Variants in ANO4 observed in about 807,000 individuals in gnomAD.
ANO4 encodes anoctamin 4, also known as anoctamin-4.
Under a neutral mutation model 141.9 loss-of-function variants are expected in ANO4, and 69 were observed. The observed-to-expected ratio is 0.49, with a 90% CI of 0.40 to 0.59. ANO4 has a LOEUF of 0.59. Ranked by LOEUF, ANO4 falls within the 20% of genes least tolerant of loss-of-function variation. The pLI is 0.00. For synonymous variants in ANO4, 350 were observed against 394.3 expected (o/e 0.89, Z 1.33); for missense variants, 894 against 1,162.2 (o/e 0.77, Z 3.36).
intron 8 of ANO4, among the ~76,000 whole-genome samples, chr12:101,011,531 C>G (rs886640797): frequency 4.6e-5 from 7 of 152,066 alleles, no homozygotes; most frequent in Non-Finnish European, 1.0e-4. Flanking sequence ...GGTGTACACT[C>G]TTTGTGAGCC....
intron 9 of ANO4, among the ~76,000 whole-genome samples, chr12:101,020,857 A>C (rs1205711195): frequency 6.6e-6 from 1 of 152,152 alleles, no homozygotes; most frequent in Non-Finnish European, 1.5e-5. Context: ...CTTTGTTCTT[A>C]TCTCTTTTTC....
intron 7 of ANO4, among the ~76,000 whole-genome samples, chr12:100,986,842 G>A (rs895886704): frequency 2.0e-5 from 3 of 152,126 alleles, no homozygotes; most frequent in African/African-American, 7.2e-5. Flanking sequence ...GAGGGACCAG[G>A]GAGATAGCCA....
At chr12:100,842,869 T>C (rs1004969876) in intron 1 of ANO4, among the ~76,000 whole-genome samples, 1 of 152,152 alleles carries the variant, frequency 6.6e-6, no homozygotes, top group Non-Finnish European at 1.5e-5. Context: ...TTAATACTGT[T>C]GCACGGAGGA....
intron 1 of ANO4, among the ~76,000 whole-genome samples, chr12:100,853,609 A>C (rs970841395): frequency 9.2e-6 from 1 of 108,760 alleles, no homozygotes; most frequent in African/African-American, 3.4e-5. Flanking sequence ...GGTATCCAAA[A>C]TTTAGCAGGT....
chr12:100,768,030 T>C (rs1442810234), intron 3 of ANO4, among the ~76,000 whole-genome samples: 2 of 152,074 alleles, frequency 1.3e-5, no homozygotes, highest in African/African-American at 4.8e-5. Context: ...CCCTGGTCCC[T>C]TGGGCCATGG....
chr12:101,049,886 T>C (rs951848755), intron 14 of ANO4, among the ~76,000 whole-genome samples: 4 of 152,112 alleles, frequency 2.6e-5, no homozygotes, highest in African/African-American at 9.7e-5. Context: ...GTGAGTGGCC[T>C]GGGAAAAGGC....
At chr12:101,087,070 C>T (rs1378057333) in intron 17 of ANO4, among the ~76,000 whole-genome samples, 5 of 152,190 alleles carry the variant, frequency 3.3e-5, no homozygotes, top group African/African-American at 1.2e-4. Context: ...CCTCTCTGAA[C>T]ATTAGTTCCC....
At chr12:100,982,096 G>C (rs529359518) in intron 7 of ANO4, among the ~76,000 whole-genome samples, 53 of 152,318 alleles carry the variant, frequency 3.5e-4, no homozygotes, top group Non-Finnish European at 4.3e-4. Flanking sequence ...ACAACTTTCT[G>C]TAAAAATAAC....
chr12:101,079,075 A>T (rs1258608676), intron 14 of ANO4, 118 bp from the exon 15 acceptor site: 3 of 829,428 alleles, frequency 3.6e-6, no homozygotes, highest in Non-Finnish European at 6.0e-6. Context: ...CTGATATTCG[A>T]TGATGCTTAC....
intron 3 of ANO4, among the ~76,000 whole-genome samples, chr12:100,933,157 A>G (rs1010468738): frequency 6.6e-6 from 1 of 151,238 alleles, no homozygotes; most frequent in Non-Finnish European, 1.5e-5. Context: ...TCTAGGGTAC[A>G]TGTGTACAAC....
At chr12:100,842,910 A>G (rs2037357324) in intron 1 of ANO4, among the ~76,000 whole-genome samples, 2 of 152,308 alleles carry the variant, frequency 1.3e-5, no homozygotes, top group Admixed American at 6.5e-5. Context: ...TGGAGGGGAC[A>G]CAAACTTTCA....
intron 1 of ANO4, among the ~76,000 whole-genome samples, chr12:100,849,849 C>T (rs1222248601): frequency 2.0e-5 from 3 of 152,146 alleles, no homozygotes; most frequent in Admixed American, 6.5e-5. Context: ...CACCACCAAC[C>T]TCAAATACCT....
chr12:100,849,516 CTT>C (rs564229530), intron 1 of ANO4, among the ~76,000 whole-genome samples: 22 of 152,252 alleles, frequency 1.4e-4, no homozygotes, highest in Non-Finnish European at 3.1e-4. Flanking sequence ...TGCTTTTTTA[CTT>C]ACTGGTTTGT....
At chr12:100,947,651 T>C (rs147815156) in intron 5 of ANO4, among the ~76,000 whole-genome samples, 75 of 152,304 alleles carry the variant, frequency 4.9e-4, no homozygotes, top group Admixed American at 2.2e-3. Flanking sequence ...ACAGTCGAGG[T>C]TGAATATCTT....
exon 3 of ANO4, chr12:100,740,004 C>T (rs754611960): frequency 2.8e-6 from 2 of 702,634 alleles, no homozygotes; most frequent in South Asian, 3.0e-5. Flanking sequence ...ACCCGCAAGA[C>T]TGACCAGGCC....
At chr12:100,846,462 G>A (rs556902619) in intron 1 of ANO4, among the ~76,000 whole-genome samples, 2 of 152,184 alleles carry the variant, frequency 1.3e-5, no homozygotes, top group African/African-American at 4.8e-5. Flanking sequence ...TTTTACTGGT[G>A]CTAATATCTA....
intron 3 of ANO4, among the ~76,000 whole-genome samples, chr12:100,927,063 AT>A (rs2041905160): frequency 6.6e-6 from 1 of 152,080 alleles, no homozygotes; most frequent in Non-Finnish European, 1.5e-5. Flanking sequence ...GCTTACTAAT[AT>A]TTGTTAGTGA....
intron 24 of ANO4, among the ~76,000 whole-genome samples, chr12:101,116,099 T>G (rs1239567056): frequency 6.6e-6 from 1 of 151,718 alleles, no homozygotes; most frequent in African/African-American, 2.4e-5. Flanking sequence ...CTAGTAGGAG[T>G]GGTGTTTCAG....
intron 17 of ANO4, among the ~76,000 whole-genome samples, chr12:101,089,738 T>C (rs1016590044): frequency 9.2e-5 from 14 of 152,142 alleles, no homozygotes; most frequent in Non-Finnish European, 1.8e-4. Context: ...AAAGCCAAAA[T>C]TGACAAATGG....
Sources: allele counts gnomAD v4.1 joint callset (sites outside exome capture counted in the v4.1 genomes callset), GRCh38; gene constraint gnomAD v4.1.1; transcripts MANE v1.5; gene names NCBI Gene and HGNC (gene_info 2026-07-23, HGNC 2026-07-21).